The following SLC28A1 variants were observed in gnomAD, a reference collection of about 807,000 sequenced individuals.
SLC28A1 encodes the protein sodium/nucleoside cotransporter 1.
SLC28A1 carries 64 observed loss-of-function variants against 74.8 expected under a neutral mutation model. The ratio of observed to expected loss-of-function variants is 0.86; its 90% CI spans 0.70 to 1.05. SLC28A1 has a LOEUF of 1.05. Among genes scored for constraint, SLC28A1 ranks in the 50% least tolerant of loss-of-function variants. The pLI is 0.00. For synonymous variants in SLC28A1, 359 were observed against 335.0 expected (o/e 1.07, Z -0.78); for missense variants, 828 against 822.8 (o/e 1.01, Z -0.08).
At chr15:84,896,641 G>A (rs1419523128) in intron 6 of SLC28A1, among the ~76,000 whole-genome samples, 2 of 152,132 alleles carry the variant, frequency 1.3e-5, no homozygotes, top group Admixed American at 1.3e-4. Context: ...GCGAAACCCT[G>A]TCTCTACTAA....
the SLC28A1 span, among the ~76,000 whole-genome samples, chr15:84,971,017 G>A: frequency 6.6e-6 from 1 of 152,116 alleles, no homozygotes; most frequent in Non-Finnish European, 1.5e-5. Flanking sequence ...TCTCCTGGCC[G>A]GCTGCAGGTT....
intron 6 of SLC28A1, among the ~76,000 whole-genome samples, chr15:84,901,896 C>T (rs1180703399): frequency 6.6e-6 from 1 of 152,212 alleles, no homozygotes; most frequent in East Asian, 1.9e-4. Context: ...AAGACTTGCA[C>T]ATGAAGTTTT....
chr15:84,918,758 C>T (rs945663573), intron 10 of SLC28A1, among the ~76,000 whole-genome samples, 154 bp downstream of exon 10: 55 of 152,048 alleles, frequency 3.6e-4, no homozygotes, highest in Non-Finnish European at 6.2e-4. Context: ...TTCCCAGTGC[C>T]TCCACCTTCC....
chr15:84,903,922 G>A (rs1966850558), intron 6 of SLC28A1, among the ~76,000 whole-genome samples, 175 bp from the exon 7 acceptor site: 2 of 152,184 alleles, frequency 1.3e-5, no homozygotes, highest in African/African-American at 2.4e-5. Context: ...GTCACACAGC[G>A]AGGTCAGCCC....
chr15:84,974,097 G>A, the SLC28A1 span, among the ~76,000 whole-genome samples: 1 of 152,130 alleles, frequency 6.6e-6, no homozygotes, highest in African/African-American at 2.4e-5. Context: ...GAAAAGGAGG[G>A]TCACTTTGGA....
At chr15:84,889,005 G>A (rs961698600) in intron 4 of SLC28A1, 145 bp downstream of exon 4, 18 of 650,150 alleles carry the variant, frequency 2.8e-5, no homozygotes, top group South Asian at 1.9e-4. Context: ...TAGCCAACAC[G>A]CACAGGCACA....
At chr15:84,947,884 A>G (rs374414146), downstream of SLC28A1, among the ~76,000 whole-genome samples, 9 of 152,352 alleles carry the variant, frequency 5.9e-5, no homozygotes, top group East Asian at 1.2e-3. Context: ...GTAAGCTATT[A>G]ACAAGAGGGG....
chr15:84,934,053 C>A (rs11073822), intron 13 of SLC28A1, among the ~76,000 whole-genome samples: 133,685 of 152,272 alleles, frequency 0.88, 58,953 homozygotes, highest in East Asian at 0.96. Flanking sequence ...GGAATGGATT[C>A]ATCCATTCAG....
chr15:84,945,484 A>C lies in SLC28A1; in HGVS notation c.*284A>C. ...CTGCCTCCTCCCGTTTCCCCTCCAC[A>C]TCCAAACAGCACCCTGGTCCTCTCT... On this transcript the variant is annotated 3_prime_UTR_variant, in exon 19 of 19. Transcript: ENST00000394573. 2 of 435,238 alleles carry C rather than the reference A, an allele frequency of 4.6e-6. No individual in the cohort carries two copies. The highest frequency in any genetic ancestry group is 4.9e-5 in the East Asian group (1 of 20,448). The allele number at this position is 435,238 out of a possible 1,614,324, so 27.0% of individuals were successfully genotyped here.
the SLC28A1 span, among the ~76,000 whole-genome samples, chr15:84,958,781 T>A: frequency 1.4e-4 from 22 of 152,050 alleles, no homozygotes; most frequent in African/African-American, 5.1e-4. Context: ...GTCTCAAAAT[T>A]TTTTTTATTT....
chr15:84,950,358 CCTTTTTTTTTTT>C (rs1567199991), downstream of SLC28A1, among the ~76,000 whole-genome samples: 1 of 102,884 alleles, frequency 9.7e-6, no homozygotes. Flanking sequence ...TCGCCAGTCT[CCTTTTTTTTTTT>C]TTTTTTTTTT....
the SLC28A1 span, chr15:84,961,468 A>T: frequency 2.2e-6 from 1 of 453,112 alleles, no homozygotes; most frequent in Admixed American, 2.4e-5. Context: ...AGCAGCTGGG[A>T]CTACATGTAT....
chr15:84,969,008 C>A, the SLC28A1 span, among the ~76,000 whole-genome samples: 11,144 of 152,258 alleles, frequency 0.073, 508 homozygotes, highest in Middle Eastern at 0.11. Flanking sequence ...GATCCAAGAA[C>A]AGGCACTGTG....
chr15:84,900,426 A>G (rs1966552578), intron 6 of SLC28A1, among the ~76,000 whole-genome samples: 1 of 113,684 alleles, frequency 8.8e-6, no homozygotes, highest in Non-Finnish European at 2.0e-5. Flanking sequence ...AAAAAAAAAG[A>G]AGAAGAAGAA....
intron 8 of SLC28A1, 130 bp from the exon 9 acceptor site, chr15:84,908,588 C>CA (rs1967626279): frequency 1.4e-5 from 9 of 635,262 alleles, no homozygotes; most frequent in Middle Eastern, 2.6e-4. Context: ...CCAGGTGGTG[C>CA]CCCCCCCCGG....
chr15:84,899,971 G>GGAAGGAAGGAAGGAAGGAAA (rs1567130047), intron 6 of SLC28A1, among the ~76,000 whole-genome samples: 13 of 109,776 alleles, frequency 1.2e-4, no homozygotes, highest in Non-Finnish European at 1.7e-4. Flanking sequence ...AAGGAAAGAA[G>GGAAGGAAGGAAGGAAGGAAA]GAAGGAAGGA....
chr15:84,952,992 G>A, the SLC28A1 span, among the ~76,000 whole-genome samples: 2 of 152,184 alleles, frequency 1.3e-5, no homozygotes, highest in African/African-American at 4.8e-5. Flanking sequence ...TCTACTTTTA[G>A]AGGAGTCCAT....
the SLC28A1 span, among the ~76,000 whole-genome samples, chr15:84,954,847 T>C: frequency 5.9e-5 from 9 of 152,210 alleles, no homozygotes; most frequent in East Asian, 1.9e-4. Context: ...CATGAAGCAG[T>C]CAGATCTATG....
At chr15:84,956,063 C>G in the SLC28A1 span, among the ~76,000 whole-genome samples, 3 of 152,104 alleles carry the variant, frequency 2.0e-5, no homozygotes, top group African/African-American at 7.2e-5. Flanking sequence ...TCGGTAATTC[C>G]CTCCCCATCC....
Sources: gnomAD v4.1 joint callset for allele counts (sites outside exome capture counted in the v4.1 genomes callset) on GRCh38, gnomAD v4.1.1 for gene constraint, MANE v1.5 for transcripts, NCBI Gene and HGNC (gene_info 2026-07-23, HGNC 2026-07-21) for gene names.